The following RANBP2 variants were observed in gnomAD, a reference collection of about 807,000 sequenced individuals.
RANBP2 encodes E3 SUMO-protein ligase RanBP2.
A neutral mutation model predicts 303.6 loss-of-function variants in RANBP2; 57 were observed. The ratio of observed to expected loss-of-function variants is 0.19; its 90% confidence interval spans 0.15 to 0.23. RANBP2 has a LOEUF of 0.23. RANBP2 is among the 10% of genes least tolerant of loss of function. The pLI, the probability that RANBP2 is intolerant of heterozygous loss-of-function variation, is 1.00. For synonymous variants in RANBP2, 1,167 were observed against 1,301.5 expected (o/e 0.90, Z 2.23); for missense variants, 3,138 against 3,780.8 (o/e 0.83, Z 4.46).
the RANBP2 span, among the ~76,000 whole-genome samples, chr2:109,034,256 G>A: frequency 0.015 from 1,701 of 115,912 alleles, 45 homozygotes; most frequent in African/African-American, 0.053. Context: ...TGGAGACACA[G>A]TGAGACTCCA....
At chr2:109,148,168 C>T in the RANBP2 span, among the ~76,000 whole-genome samples, 8 of 152,208 alleles carry the variant, frequency 5.3e-5, no homozygotes, top group Admixed American at 4.6e-4. Flanking sequence ...GTGTTCTTAC[C>T]GATGGTGGAA....
chr2:109,625,848 A>C, the RANBP2 span, among the ~76,000 whole-genome samples: 1 of 152,200 alleles, frequency 6.6e-6, no homozygotes, highest in African/African-American at 2.4e-5. Context: ...TGGGGATACA[A>C]GCATGCTTAG....
At chr2:109,689,996 C>T in the RANBP2 span, among the ~76,000 whole-genome samples, 4 of 152,078 alleles carry the variant, frequency 2.6e-5, no homozygotes, top group South Asian at 2.1e-4. Flanking sequence ...GGGGTATGCA[C>T]GTACGGCACA....
At chr2:109,123,004 T>C in the RANBP2 span, among the ~76,000 whole-genome samples, 173 of 152,266 alleles carry the variant, frequency 1.1e-3, 3 homozygotes, top group East Asian at 0.02. Flanking sequence ...ACAGTGACGG[T>C]GAACTAGTAA....
At chr2:108,854,068 T>A in the RANBP2 span, among the ~76,000 whole-genome samples, 1 of 124,288 alleles carries the variant, frequency 8.0e-6, no homozygotes, top group Non-Finnish European at 1.6e-5. Context: ...ATATATATTT[T>A]ATATATAATA....
chr2:108,913,653 T>TA, the RANBP2 span, among the ~76,000 whole-genome samples: 1 of 152,038 alleles, frequency 6.6e-6, no homozygotes, highest in Non-Finnish European at 1.5e-5. Flanking sequence ...AGGCTGGTGA[T>TA]AAAAGTGTAT....
the RANBP2 span, chr2:109,613,222 A>T: frequency 1.7e-5 from 22 of 1,277,786 alleles, no homozygotes; most frequent in Admixed American, 4.6e-5. Flanking sequence ...TAAATCTACA[A>T]AAGTAACTGG....
the RANBP2 span, among the ~76,000 whole-genome samples, chr2:109,013,649 G>A: frequency 0.046 from 6,910 of 150,342 alleles, 174 homozygotes; most frequent in East Asian, 0.076. Flanking sequence ...GGGTGATCTC[G>A]GCTCACTGGA....
At chr2:109,173,847 G>A in the RANBP2 span, among the ~76,000 whole-genome samples, 7 of 152,220 alleles carry the variant, frequency 4.6e-5, no homozygotes, top group African/African-American at 1.7e-4. Context: ...CTTGGAATTG[G>A]ATGTTCAGAC....
At chr2:109,474,443 G>A in the RANBP2 span, among the ~76,000 whole-genome samples, 3 of 152,288 alleles carry the variant, frequency 2.0e-5, no homozygotes, top group South Asian at 2.1e-4. Flanking sequence ...GATGCAGCTC[G>A]CTACTGATGG....
At chr2:109,265,413 T>C in the RANBP2 span, among the ~76,000 whole-genome samples, 1 of 152,236 alleles carries the variant, frequency 6.6e-6, no homozygotes, top group Non-Finnish European at 1.5e-5. Context: ...AAGGAAACAC[T>C]GTAATTCTAG....
the RANBP2 span, among the ~76,000 whole-genome samples, chr2:109,418,785 A>T: frequency 1.3e-5 from 2 of 152,180 alleles, no homozygotes; most frequent in Non-Finnish European, 2.9e-5. Flanking sequence ...GGAAGACAGG[A>T]CACTGTCCTA....
chr2:109,050,667 G>A, the RANBP2 span, among the ~76,000 whole-genome samples: 11 of 151,712 alleles, frequency 7.3e-5, no homozygotes, highest in East Asian at 2.1e-3. Flanking sequence ...AAGAGTCTGT[G>A]CATCTGTACT....
the RANBP2 span, among the ~76,000 whole-genome samples, chr2:109,329,061 C>G: frequency 2.0e-5 from 3 of 152,128 alleles, no homozygotes; most frequent in African/African-American, 7.2e-5. Flanking sequence ...GGCCTGGAAT[C>G]CTCTCACATT....
At chr2:109,780,712 AC>A in the RANBP2 span, among the ~76,000 whole-genome samples, 1 of 105,862 alleles carries the variant, frequency 9.4e-6, no homozygotes, top group Non-Finnish European at 1.8e-5. Flanking sequence ...TGGTACTGTT[AC>A]ATTTTTCCTC....
chr2:109,710,180 G>A, the RANBP2 span, among the ~76,000 whole-genome samples: 10 of 151,504 alleles, frequency 6.6e-5, no homozygotes, highest in Middle Eastern at 3.4e-3. Flanking sequence ...TCAGGAGTTC[G>A]AGAGCAGTCT....
the RANBP2 span, among the ~76,000 whole-genome samples, chr2:108,962,630 G>A: frequency 7.6e-4 from 105 of 137,510 alleles, no homozygotes; most frequent in Non-Finnish European, 1.4e-4. Context: ...AGCCGAGATC[G>A]CTCCACTGCC....
chr2:109,152,503 C>A, the RANBP2 span, among the ~76,000 whole-genome samples: 20,061 of 152,230 alleles, frequency 0.13, 2,560 homozygotes, highest in East Asian at 0.65. Flanking sequence ...GCATTCAGAG[C>A]GAAAGCTCAT....
chr2:108,767,903 G>T lies in RANBP2; in HGVS notation c.7364G>T (p.Arg2455Leu), dbSNP rs561921269. ...KDSLITPHVS[R>L]SSTPRESPCG... ...TCTTTGATAACACCTCATGTTTCTC[G>T]GTCAAGCACTCCCAGAGAGTCACCA... The change falls in exon 20 of 29, where the codon CGG (arginine) becomes CTG (leucine). Residue 2455 changes from arginine (R) to leucine (L), a missense_variant. Coordinates refer to ENST00000283195, the MANE Select transcript of RANBP2 (RefSeq NM_006267.5). 1 of 1,611,188 alleles carries T rather than the reference G, an allele frequency of 6.2e-7. No homozygotes were observed. The highest frequency in any genetic ancestry group is 2.2e-5 in the East Asian group (1 of 44,836).
Sources: allele counts gnomAD v4.1 joint callset (sites outside exome capture counted in the v4.1 genomes callset), GRCh38; gene constraint gnomAD v4.1.1; transcripts MANE v1.5; gene names NCBI Gene and HGNC (gene_info 2026-07-23, HGNC 2026-07-21).